The following RYR1 variants were observed in gnomAD, a reference collection of about 807,000 sequenced individuals.
RYR1 encodes central core disease of muscle.
A neutral mutation model predicts 583.5 loss-of-function variants in RYR1; 342 were observed. That is an observed-to-expected ratio of 0.59 (90% CI 0.54 to 0.64). The LOEUF (loss-of-function observed/expected upper bound fraction) is 0.64. Ranked by LOEUF, RYR1 falls within the 30% of genes least tolerant of loss-of-function variation. The pLI, the probability that RYR1 is intolerant of heterozygous loss-of-function variation, is 0.00. For synonymous variants in RYR1, 2,791 were observed against 2,822.5 expected, an observed-to-expected ratio of 0.99 and a Z score of 0.35; for missense variants, 6,032 against 6,917.2, an observed-to-expected ratio of 0.87 and a Z score of 4.54.
chr19:38,456,440 C>T (rs1339512423), intron 16 of RYR1, among the ~76,000 whole-genome samples: 2 of 151,260 alleles, frequency 1.3e-5, no homozygotes, highest in African/African-American at 4.9e-5. Flanking sequence ...CGCCACCACG[C>T]CCAGCTAATT....
intron 93 of RYR1, among the ~76,000 whole-genome samples, chr19:38,568,944 AG>A (rs1973578315): frequency 6.6e-6 from 1 of 152,132 alleles, no homozygotes; most frequent in South Asian, 2.1e-4. Context: ...CCAAGGTAGG[AG>A]GATCACTGGA....
chr19:38,459,500 C>T (rs951172200), intron 19 of RYR1, among the ~76,000 whole-genome samples, 162 bp downstream of exon 19: 13 of 152,150 alleles, frequency 8.5e-5, no homozygotes, highest in African/African-American at 2.9e-4. Context: ...CAGGGACCTC[C>T]ACGTGACTCC....
intron 18 of RYR1, 65 bp downstream of exon 18, chr19:38,458,357 A>G (rs1435032154): frequency 6.5e-7 from 1 of 1,530,976 alleles, no homozygotes. Flanking sequence ...TAAGTCTCTG[A>G]CCATACACCT....
chr19:38,524,411 T>C (rs997482854), intron 70 of RYR1, among the ~76,000 whole-genome samples: 1 of 152,048 alleles, frequency 6.6e-6, no homozygotes, highest in Non-Finnish European at 1.5e-5. Flanking sequence ...GGTCATCCTT[T>C]TGAGCCTCTG....
chr19:38,540,349 C>T (rs1009209250), intron 84 of RYR1, among the ~76,000 whole-genome samples: 2 of 149,250 alleles, frequency 1.3e-5, no homozygotes, highest in African/African-American at 2.5e-5. Flanking sequence ...GTATAATAAA[C>T]CTCCAATCAT....
chr19:38,484,972 AAAC>A (rs751689015), intron 33 of RYR1, among the ~76,000 whole-genome samples: 2 of 152,198 alleles, frequency 1.3e-5, no homozygotes, highest in East Asian at 3.9e-4. Context: ...CCCCATCACT[AAAC>A]AACAACAACA....
chr19:38,446,451 A>G (rs747141557), intron 7 of RYR1, 21 bp from the exon 8 acceptor site: 19 of 1,601,928 alleles, frequency 1.2e-5, no homozygotes, highest in Middle Eastern at 3.3e-4. Context: ...CCATTGACCA[A>G]CTTCCCTTGC....
At chr19:38,472,835 TAAAAA>T (rs34985897) in intron 27 of RYR1, among the ~76,000 whole-genome samples, 1,512 of 107,324 alleles carry the variant, frequency 0.014, 28 homozygotes, top group African/African-American at 0.048. Context: ...GACTCTTGTC[TAAAAA>T]AAAAAAAAAA....
chr19:38,508,982 C>T (rs997544472), intron 58 of RYR1, among the ~76,000 whole-genome samples: 2 of 152,132 alleles, frequency 1.3e-5, no homozygotes, highest in African/African-American at 4.8e-5. Flanking sequence ...GGGTGCCCCC[C>T]AGTGCCTCTT....
chr19:38,565,620 C>A lies in RYR1; in HGVS notation c.13286C>A (p.Ala4429Asp). Residue 4429 changes from alanine to aspartate, a missense_variant, in exon 91 of 106, where the codon GCC becomes GAC. Coordinates refer to ENST00000359596, the MANE Select transcript of RYR1 (RefSeq NM_000540.3). This position sits in a 1 kb window ranked among gnomAD's most constrained non-coding sequence, Gnocchi z 4.7. ...AGDEEEAVHE[A>D]GPGGADGAVA... ...GACGAGGAGGAGGCGGTGCACGAGG[C>A]CGGGCCGGGCGGTGCCGACGGGGCG... 7.1e-7 allele frequency: 1 copy of A among 1,413,714 alleles called. No homozygotes were observed. The highest frequency in any genetic ancestry group is 9.1e-7 in the Non-Finnish European group (1 of 1,094,074). The allele number at this position is 1,413,714 out of a possible 1,614,324, so 87.6% of individuals were successfully genotyped here.
chr19:38,554,297 C>T (rs991831031), intron 89 of RYR1, among the ~76,000 whole-genome samples: 3 of 149,686 alleles, frequency 2.0e-5, no homozygotes, highest in Non-Finnish European at 4.4e-5. Flanking sequence ...ACTAAAAATA[C>T]GAAAAAATAG....
chr19:38,516,893 T>A (rs1970996289), intron 65 of RYR1, among the ~76,000 whole-genome samples: 1 of 152,132 alleles, frequency 6.6e-6, no homozygotes, highest in South Asian at 2.1e-4. Context: ...AGGAAACTTG[T>A]CTTCTTGGTC....
chr19:38,534,968 T>C, intron 79 of RYR1, 149 bp downstream of exon 79: 1 of 1,086,578 alleles, frequency 9.2e-7, no homozygotes, highest in East Asian at 2.6e-5. Context: ...TCCCCTTGTA[T>C]ACCTGCCTTG....
chr19:38,518,699 C>T (rs538188662), intron 66 of RYR1, among the ~76,000 whole-genome samples: 2 of 151,886 alleles, frequency 1.3e-5, no homozygotes, highest in African/African-American at 4.8e-5. Context: ...GAGGCCGAGG[C>T]GGGTGGATCT....
chr19:38,490,026 C>G, intron 35 of RYR1, 50 bp from the exon 36 acceptor site: 1 of 1,585,110 alleles, frequency 6.3e-7, no homozygotes, highest in African/African-American at 1.3e-5. Context: ...TCAAGGAAGT[C>G]CTGATGGTCT....
chr19:38,545,575 GC>G (rs2145781461), intron 87 of RYR1, among the ~76,000 whole-genome samples: 1 of 152,296 alleles, frequency 6.6e-6, no homozygotes, highest in East Asian at 1.9e-4. Flanking sequence ...CACTCTGGGA[GC>G]CCTAGGCGGG....
chr19:38,514,386 T>G (rs1412528047), intron 63 of RYR1, among the ~76,000 whole-genome samples: 2 of 151,504 alleles, frequency 1.3e-5, no homozygotes, highest in African/African-American at 4.9e-5. Flanking sequence ...GTTCAAGTGA[T>G]TCTCCTGCCT....
chr19:38,496,664 C>A lies in RYR1; in HGVS notation c.6796+123C>A. ...CACTCCCTCTCAACTGTGGTTCTGGCCCTGTAATGAGTAATGCTGGGGACA... is the reference window on the plus strand; with the variant it reads ...CACTCCCTCTCAACTGTGGTTCTGGACCTGTAATGAGTAATGCTGGGGACA... On this transcript the variant is annotated intron_variant, in intron 41 of 105. Coordinates refer to ENST00000359596, the MANE Select transcript of RYR1 (RefSeq NM_000540.3). This position sits in a 1 kb window ranked among gnomAD's most constrained non-coding sequence, Gnocchi z 4.8. The A allele has an allele frequency of 7.6e-7, 1 of 1,321,414 alleles. No individual in the cohort carries two copies. Among genetic ancestry groups the A allele is most frequent in the Non-Finnish European group, 1.1e-6 (1 of 925,956 alleles). The allele number at this position is 1,321,414 out of a possible 1,614,324, so 81.9% of individuals were successfully genotyped here. A position where few individuals can be genotyped will look rare whatever the true frequency, so the allele number is the denominator to read the frequency against.
intron 29 of RYR1, 36 bp downstream of exon 29, chr19:38,475,486 C>T (rs975003826): frequency 9.9e-6 from 16 of 1,611,576 alleles, no homozygotes; most frequent in Middle Eastern, 1.6e-4. Flanking sequence ...GGGGTCCCCC[C>T]GCATAGCATA....
Sources: allele counts gnomAD v4.1 joint callset (sites outside exome capture counted in the v4.1 genomes callset), GRCh38; gene constraint gnomAD v4.1.1; non-coding constraint Gnocchi (gnomAD v3.1); transcripts MANE v1.5; gene names NCBI Gene and HGNC (gene_info 2026-07-23, HGNC 2026-07-21).